NFATC2: variants seen among roughly 807,000 people sequenced by gnomAD.
NFATC2 encodes the protein nuclear factor of activated T-cells, cytoplasmic 2.
A neutral mutation model predicts 87.3 loss-of-function variants in NFATC2; 22 were observed. The ratio of observed to expected loss-of-function variants is 0.25; its 90% confidence interval spans 0.18 to 0.36. NFATC2 has a LOEUF of 0.36. Among genes scored for constraint, NFATC2 ranks in the 10% least tolerant of loss-of-function variants. The pLI is 1.00. For synonymous variants in NFATC2, 565 were observed against 542.2 expected (o/e 1.04, Z -0.58); for missense variants, 1,149 against 1,259.1 (o/e 0.91, Z 1.32).
intron 4 of NFATC2, among the ~76,000 whole-genome samples, chr20:51,474,746 G>T (rs950972914): frequency 6.6e-6 from 1 of 151,994 alleles, no homozygotes; most frequent in African/African-American, 2.4e-5. Context: ...CCATCCAAAG[G>T]TTTTTTTAAC....
chr20:51,427,624 T>C lies in NFATC2; in HGVS notation c.2722+4443A>G, dbSNP rs561855437. On this transcript the variant is annotated intron_variant, in intron 9 of 10. Transcript: ENST00000371564. ...TCTCAAACAGTAAATCAAACCACGCTGCACTGCTGCTGAAAGCCTGCGGGA... is the reference window on the plus strand; with the variant it reads ...TCTCAAACAGTAAATCAAACCACGCCGCACTGCTGCTGAAAGCCTGCGGGA... Among the ~76,000 whole-genome samples, 3 of 152,288 alleles carry C rather than the reference T, an allele frequency of 2.0e-5. No homozygotes were observed. The East Asian group carries it at 5.8e-4, about 29-fold the overall frequency.
intron 6 of NFATC2, among the ~76,000 whole-genome samples, chr20:51,443,171 C>CT (rs1984603747): frequency 6.6e-6 from 1 of 151,904 alleles, no homozygotes. Context: ...AGGGAGACCC[C>CT]CCCTTCATCC....
intron 6 of NFATC2, among the ~76,000 whole-genome samples, chr20:51,445,284 G>A (rs1457261852): frequency 6.6e-6 from 1 of 152,082 alleles, no homozygotes; most frequent in South Asian, 2.1e-4. Context: ...AATGCCCTAA[G>A]CTCATCTCCA....
intron 10 of NFATC2, among the ~76,000 whole-genome samples, chr20:51,394,986 G>A (rs1986850968): frequency 6.6e-6 from 1 of 152,164 alleles, no homozygotes; most frequent in East Asian, 1.9e-4. Context: ...GGTGCTTAAT[G>A]CCTGCATTAG....
At chr20:51,423,876 T>C (rs1981347708) in intron 9 of NFATC2, among the ~76,000 whole-genome samples, 1 of 152,200 alleles carries the variant, frequency 6.6e-6, no homozygotes, top group Non-Finnish European at 1.5e-5. Context: ...CAAGTGCACA[T>C]TCCTTTGGAA....
intron 5 of NFATC2, among the ~76,000 whole-genome samples, chr20:51,458,746 G>A (rs4481056): frequency 1.3e-4 from 20 of 152,126 alleles, no homozygotes; most frequent in African/African-American, 4.3e-4. Flanking sequence ...CCGGGGAGGC[G>A]GAGGTTACAG....
intron 10 of NFATC2, among the ~76,000 whole-genome samples, chr20:51,398,117 G>A (rs927491934): frequency 5.3e-5 from 8 of 150,454 alleles, no homozygotes; most frequent in African/African-American, 1.5e-4. Context: ...AGAATCCTGC[G>A]ACTTCAAAAG....
rs370705129 is a variant in NFATC2, at chr20:51,439,942, T to C, written c.1850-4181A>G. ...GGTAACAGACCTGAGCAGGGTATTA[T>C]ATAAATGTTCAGGGCCGGGCAAAGT... On this transcript the variant is annotated intron_variant, in intron 6 of 10. Transcript: ENST00000371564. Among the ~76,000 whole-genome samples the C allele has an allele frequency of 4.6e-5, 7 of 152,160 alleles. No individual in the cohort carries two copies. In the South Asian group the frequency reaches 6.2e-4, roughly 14 times the overall value.
At chr20:51,413,005 CCT>C (rs1491053317) in intron 9 of NFATC2, among the ~76,000 whole-genome samples, 16 of 137,284 alleles carry the variant, frequency 1.2e-4, no homozygotes, top group Admixed American at 7.9e-4. Context: ...CGCCCCCCCC[CCT>C]CCCCGCCAAA....
intron 3 of NFATC2, among the ~76,000 whole-genome samples, chr20:51,502,388 T>G (rs925326936): frequency 4.6e-5 from 7 of 152,230 alleles, no homozygotes; most frequent in African/African-American, 1.7e-4. Context: ...TGTGGTAGCA[T>G]GATCACAGCT....
intron 6 of NFATC2, among the ~76,000 whole-genome samples, chr20:51,446,665 C>T (rs1022543672): frequency 6.6e-5 from 10 of 152,228 alleles, no homozygotes; most frequent in African/African-American, 2.4e-4. Flanking sequence ...GCCTGTTCTT[C>T]AATGCAGGGG....
At chr20:51,445,626 C>T (rs747896015) in intron 6 of NFATC2, among the ~76,000 whole-genome samples, 1 of 152,202 alleles carries the variant, frequency 6.6e-6, no homozygotes, top group Non-Finnish European at 1.5e-5. Flanking sequence ...TAACTCCACA[C>T]GCTTTTCTCT....
At chr20:51,488,545 A>T (rs2075824143) in intron 3 of NFATC2, among the ~76,000 whole-genome samples, 1 of 152,214 alleles carries the variant, frequency 6.6e-6, no homozygotes. Flanking sequence ...GGGACACGAA[A>T]TCACTCCTAT....
Position 51,549,920 on chromosome 20 carries a change from C to T in NFATC2, c.70+12640G>A, listed in dbSNP as rs185697133. 2.8e-3 allele frequency among the ~76,000 whole-genome samples: 428 copies of T among 152,280 alleles called. 1 individual carries two copies. The highest frequency in any genetic ancestry group is 2.9e-3 in the Non-Finnish European group (199 of 68,030). On this transcript the variant is annotated intron_variant, in intron 1 of 10. Coordinates refer to the NFATC2 transcript ENST00000414705. Reference sequence around the variant, plus strand: ...TTCTGAATACTTTTTGAACAAGAGGCGATGCATTTTCATTTCGCACAATGC... The same window carrying T: ...TTCTGAATACTTTTTGAACAAGAGGTGATGCATTTTCATTTCGCACAATGC...
At chr20:51,491,954 T>C (rs1233906556) in intron 3 of NFATC2, among the ~76,000 whole-genome samples, 1 of 147,410 alleles carries the variant, frequency 6.8e-6, no homozygotes, top group Non-Finnish European at 1.5e-5. Flanking sequence ...TGAAAGCTTA[T>C]GAGGACCCTG....
chr20:51,420,047 G>A lies in NFATC2; in HGVS notation c.2722+12020C>T, dbSNP rs147961807. On this transcript the variant is annotated intron_variant, in intron 9 of 10. Transcript: ENST00000371564. ...AAAAAGCAACTACACACAAACAACC[G>A]TAATGGATCATCACTGTAAGATATT... is the stretch of plus-strand genomic sequence containing the variant. Among the ~76,000 whole-genome samples, 693 of 147,714 alleles carry A rather than the reference G, an allele frequency of 4.7e-3. 3 individuals carry two copies. The highest frequency in any genetic ancestry group is 0.015 in the African/African-American group (616 of 40,470).
chr20:51,426,871 CACT>C (rs3029274), intron 9 of NFATC2, among the ~76,000 whole-genome samples: 80,570 of 151,582 alleles, frequency 0.53, 23,022 homozygotes, highest in South Asian at 0.64. Context: ...ATACAGAATG[CACT>C]ACTGATTTCT....
At chr20:51,467,362 G>A (rs1273001903) in intron 5 of NFATC2, among the ~76,000 whole-genome samples, 1 of 151,924 alleles carries the variant, frequency 6.6e-6, no homozygotes, top group Non-Finnish European at 1.5e-5. Flanking sequence ...TTCGAGACCA[G>A]CCTGGCCAAC....
At chr20:51,525,908 C>A (rs2076537100) in intron 1 of NFATC2, among the ~76,000 whole-genome samples, 1 of 150,570 alleles carries the variant, frequency 6.6e-6, no homozygotes, top group Non-Finnish European at 1.5e-5. Context: ...CAGCATGTGC[C>A]CCGGCCTGCC....
Sources: allele counts gnomAD v4.1 joint callset (sites outside exome capture counted in the v4.1 genomes callset), GRCh38; gene constraint gnomAD v4.1.1; transcripts MANE v1.5; gene names NCBI Gene and HGNC (gene_info 2026-07-23, HGNC 2026-07-21).